MTX2: variants seen among roughly 807,000 people sequenced by gnomAD.
MTX2 encodes the protein metaxin-2.
MTX2 carries 35 observed loss-of-function variants against 42.3 expected under a neutral mutation model. The ratio of observed to expected loss-of-function variants is 0.83; its 90% CI spans 0.63 to 1.10. The LOEUF is 1.10. Ranked by LOEUF, MTX2 falls within the 50% of genes least tolerant of loss-of-function variation. MTX2 has a pLI of 0.00. For missense variants in MTX2, 307 were observed against 304.1 expected (o/e 1.01, Z -0.07); for synonymous variants, 119 against 100.9 (o/e 1.18, Z -1.08).
At chr2:176,295,683 GTTTTTC>G (rs1196488664) in intron 1 of MTX2, among the ~76,000 whole-genome samples, 2 of 152,028 alleles carry the variant, frequency 1.3e-5, no homozygotes, top group South Asian at 2.1e-4. Flanking sequence ...ATAATACTGT[GTTTTTC>G]TTTTTATTCT....
chr2:176,323,464 GGTAA>G lies in MTX2; in HGVS notation c.208+3_208+6del, dbSNP rs1575058847. On this transcript the variant is annotated splice_donor_variant and splice_donor_region_variant and intron_variant, in intron 4 of 9. Transcript: ENST00000249442. LOFTEE classifies it high-confidence loss of function. ...AAATGCAGAATATATGTCTCCATCT[GGTAA>G]GTGTGTTTTTTTTTCTTCTCTGTTA... The G allele has an allele frequency of 6.2e-7, 1 of 1,608,534 alleles. No homozygotes were observed. Among genetic ancestry groups the G allele is most frequent in the Non-Finnish European group, 8.5e-7 (1 of 1,176,378 alleles).
chr2:176,328,264 T>C, intron 5 of MTX2, 29 bp from the exon 6 acceptor site: 2 of 1,413,530 alleles, frequency 1.4e-6, no homozygotes, highest in Non-Finnish European at 1.9e-6. Context: ...AATATGATGT[T>C]CTTTTAAATT....
In MTX2 at chr2:176,326,917, T is replaced by TA; in HGVS notation, c.285+19dup. The TA allele has an allele frequency of 7.1e-7, 1 of 1,402,092 alleles. No homozygotes were observed. The highest frequency in any genetic ancestry group is 9.9e-7 in the Non-Finnish European group (1 of 1,010,636). 86.9% of individuals were successfully genotyped at this position (1,402,092 alleles called of 1,614,324 possible). On this transcript the variant is annotated intron_variant, in intron 5 of 9. Coordinates refer to ENST00000249442, the MANE Select transcript of MTX2 (RefSeq NM_006554.5). The stretch of plus-strand genomic sequence containing the variant: ...TAAAGCCAAGGTAATAAAAAGATAT[T>TA]AAATGTATTTGATCAGTTACCAAGT...
At chr2:176,320,387 T>A (rs1159771593) in intron 3 of MTX2, among the ~76,000 whole-genome samples, 1 of 152,216 alleles carries the variant, frequency 6.6e-6, no homozygotes, top group Non-Finnish European at 1.5e-5. Flanking sequence ...TATTTACTAT[T>A]TTATACAATA....
intron 3 of MTX2, among the ~76,000 whole-genome samples, chr2:176,312,863 CAA>C (rs557475003): frequency 4.6e-4 from 26 of 56,048 alleles, no homozygotes; most frequent in African/African-American, 1.1e-3. Context: ...AATGCCATCT[CAA>C]AAAAAAAAAA....
intron 9 of MTX2, among the ~76,000 whole-genome samples, chr2:176,330,864 A>G (rs1476286932): frequency 1.3e-5 from 2 of 151,190 alleles, no homozygotes; most frequent in East Asian, 3.9e-4. Context: ...CTTATCATTA[A>G]GAATTTCTCT....
At chr2:176,322,943 T>G (rs1238007861) in intron 3 of MTX2, among the ~76,000 whole-genome samples, 3 of 151,772 alleles carry the variant, frequency 2.0e-5, no homozygotes, top group Admixed American at 2.0e-4. Context: ...GGAGAGAACT[T>G]TGAGGTAGCA....
chr2:176,318,581 G>T (rs1684501271), intron 3 of MTX2, among the ~76,000 whole-genome samples: 1 of 152,156 alleles, frequency 6.6e-6, no homozygotes, highest in Admixed American at 6.5e-5. Context: ...CAGCAAATGA[G>T]AAATCTTTAT....
At chr2:176,291,149 A>G (rs1693320081) in intron 1 of MTX2, among the ~76,000 whole-genome samples, 1 of 152,202 alleles carries the variant, frequency 6.6e-6, no homozygotes, top group Non-Finnish European at 1.5e-5. Flanking sequence ...ACTAAAAAAG[A>G]AAGTAGAGTT....
chr2:176,301,022 G>T (rs1479737291), intron 3 of MTX2, among the ~76,000 whole-genome samples: 1 of 152,086 alleles, frequency 6.6e-6, no homozygotes, highest in African/African-American at 2.4e-5. Context: ...GAAAACAAAT[G>T]TTATGTGTAA....
chr2:176,304,060 T>G (rs1684088694), intron 3 of MTX2, among the ~76,000 whole-genome samples: 1 of 152,034 alleles, frequency 6.6e-6, no homozygotes, highest in African/African-American at 2.4e-5. Context: ...TTTTTCATTA[T>G]TAGATATACA....
intron 1 of MTX2, among the ~76,000 whole-genome samples, chr2:176,290,310 A>G (rs1279433595): frequency 6.6e-6 from 1 of 152,112 alleles, no homozygotes; most frequent in Non-Finnish European, 1.5e-5. Context: ...TCTCCTCACT[A>G]ATTCATGTGT....
chr2:176,334,128 A>G (rs1418943543), intron 9 of MTX2, among the ~76,000 whole-genome samples: 1 of 151,666 alleles, frequency 6.6e-6, no homozygotes, highest in Non-Finnish European at 1.5e-5. Flanking sequence ...GTACCTCTGG[A>G]GTTATGTGGA....
chr2:176,326,970 C>T (rs1684722311), intron 5 of MTX2, 69 bp downstream of exon 5: 1 of 884,154 alleles, frequency 1.1e-6, no homozygotes, highest in Non-Finnish European at 1.7e-6. Flanking sequence ...TGTGTCTTAA[C>T]ATTTACATTG....
At position 176,269,592 on chromosome 2, in the gene MTX2, G is replaced by GA; in HGVS notation, c.-38_-37insA. The GA allele has an allele frequency of 6.4e-7, 1 of 1,562,942 alleles. No homozygotes were observed. Among genetic ancestry groups the GA allele is most frequent in the East Asian group, 2.3e-5 (1 of 42,568 alleles). ...TGCGGTGGAGGACGCTGAGGCCCGT[G>GA]GGGGGCAGGCACCCGGGCGCCGGGC... On this transcript the variant is annotated 5_prime_UTR_variant, in exon 1 of 10. Transcript: ENST00000249442.
intron 3 of MTX2, among the ~76,000 whole-genome samples, chr2:176,315,110 T>C (rs1684405827): frequency 6.6e-6 from 1 of 152,168 alleles, no homozygotes; most frequent in Non-Finnish European, 1.5e-5. Context: ...TATCTGGTTT[T>C]CAAAGCACAT....
intron 8 of MTX2, 35 bp downstream of exon 8, chr2:176,329,461 T>A: frequency 6.3e-7 from 1 of 1,575,220 alleles, no homozygotes. Context: ...AACCCTCAAC[T>A]TTTATGCATT....
At chr2:176,296,362 A>T (rs904466888) in intron 1 of MTX2, among the ~76,000 whole-genome samples, 1 of 152,150 alleles carries the variant, frequency 6.6e-6, no homozygotes, top group Non-Finnish European at 1.5e-5. Context: ...GTGGGGAAAG[A>T]TGGACAGCTT....
At chr2:176,284,960 A>G (rs752386203) in intron 1 of MTX2, among the ~76,000 whole-genome samples, 34 of 152,242 alleles carry the variant, frequency 2.2e-4, no homozygotes, top group Non-Finnish European at 3.8e-4. Flanking sequence ...TAGGAAATAC[A>G]TAACTTTATC....
Sources: allele counts gnomAD v4.1 joint callset (sites outside exome capture counted in the v4.1 genomes callset), GRCh38; gene constraint gnomAD v4.1.1; transcripts MANE v1.5; gene names NCBI Gene and HGNC (gene_info 2026-07-23, HGNC 2026-07-21).